Variants in ATP6V1H observed in about 807,000 individuals in gnomAD.
The protein encoded by ATP6V1H is V-type proton ATPase subunit H.
In ATP6V1H, 39 loss-of-function variants were observed where a neutral mutation model predicts 71.7. That is an observed-to-expected ratio of 0.54 (90% CI 0.42 to 0.71). ATP6V1H has a LOEUF of 0.71. Ranked by LOEUF, ATP6V1H falls within the 30% of genes least tolerant of loss-of-function variation. The pLI, the probability that ATP6V1H is intolerant of heterozygous loss-of-function variation, is 0.00. For synonymous variants in ATP6V1H, 192 were observed against 199.3 expected (o/e 0.96, Z 0.31); for missense variants, 509 against 594.9 (o/e 0.86, Z 1.50).
intron 13 of ATP6V1H, among the ~76,000 whole-genome samples, chr8:53,732,111 C>T (rs1009130846): frequency 6.6e-6 from 1 of 152,210 alleles, no homozygotes; most frequent in African/African-American, 2.4e-5. Flanking sequence ...TTGATTTTGA[C>T]TTGGCTTGAA....
intron 6 of ATP6V1H, among the ~76,000 whole-genome samples, chr8:53,813,145 T>A (rs1278609346): frequency 2.0e-5 from 3 of 152,246 alleles, no homozygotes; most frequent in Non-Finnish European, 4.4e-5. Context: ...TTACATGTTT[T>A]AAATAGCTTG....
At chr8:53,828,826 C>T (rs1810904689) in intron 4 of ATP6V1H, among the ~76,000 whole-genome samples, 1 of 152,152 alleles carries the variant, frequency 6.6e-6, no homozygotes, top group African/African-American at 2.4e-5. Flanking sequence ...TCCTGAGACA[C>T]TCAGCAGCTG....
chr8:53,828,206 A>G (rs1278674926), intron 4 of ATP6V1H, among the ~76,000 whole-genome samples: 1 of 152,166 alleles, frequency 6.6e-6, no homozygotes, highest in Non-Finnish European at 1.5e-5. Context: ...TCGATAATTG[A>G]GTTGTATGGG....
chr8:53,718,265 G>A (rs570077083), intron 13 of ATP6V1H, among the ~76,000 whole-genome samples: 1 of 152,290 alleles, frequency 6.6e-6, no homozygotes, highest in South Asian at 2.1e-4. Flanking sequence ...GCACAGGTGC[G>A]CTGTTCCAGC....
At chr8:53,734,873 A>G (rs946513622) in intron 13 of ATP6V1H, among the ~76,000 whole-genome samples, 1 of 152,170 alleles carries the variant, frequency 6.6e-6, no homozygotes, top group African/African-American at 2.4e-5. Context: ...GAAGGAGGAC[A>G]AATAATAGAA....
chr8:53,809,929 G>A (rs1377104349), intron 7 of ATP6V1H, among the ~76,000 whole-genome samples: 1 of 152,104 alleles, frequency 6.6e-6, no homozygotes, highest in East Asian at 1.9e-4. Flanking sequence ...CACTTCAGAA[G>A]GCTAATAGCC....
rs191607686 is a variant in ATP6V1H, at chr8:53,834,615, G to A, written c.114-1529C>T. Among the ~76,000 whole-genome samples, 354 of 152,062 alleles carry A rather than the reference G, an allele frequency of 2.3e-3. 2 individuals are homozygous for A. The highest frequency in any genetic ancestry group is 7.9e-3 in the African/African-American group (328 of 41,506). On this transcript the variant is annotated intron_variant, in intron 2 of 13. Transcript: ENST00000359530. ...TAATTTTTTTATTTTTAGTAGAAAC[G>A]GGGTTTCACCATATTGGCCGGGCTG...
chr8:53,752,868 A>G (rs1807851872), intron 12 of ATP6V1H, among the ~76,000 whole-genome samples: 1 of 152,232 alleles, frequency 6.6e-6, no homozygotes, highest in Non-Finnish European at 1.5e-5. Flanking sequence ...TTATGACTCA[A>G]TAAGTCTATT....
At chr8:53,830,441 C>T (rs1360206149) in intron 3 of ATP6V1H, among the ~76,000 whole-genome samples, 4 of 152,126 alleles carry the variant, frequency 2.6e-5, no homozygotes, top group Non-Finnish European at 5.9e-5. Context: ...TCATGTCTTC[C>T]ATGGATAGAC....
intron 9 of ATP6V1H, among the ~76,000 whole-genome samples, chr8:53,777,056 CA>C (rs1808914583): frequency 6.6e-6 from 1 of 151,978 alleles, no homozygotes; most frequent in Non-Finnish European, 1.5e-5. Context: ...ACAAAGTGAA[CA>C]AAGGCTCAGT....
chr8:53,769,793 T>A, intron 10 of ATP6V1H, 50 bp from the exon 11 acceptor site: 1 of 1,479,188 alleles, frequency 6.8e-7, no homozygotes, highest in South Asian at 1.3e-5. Flanking sequence ...CTGACAGTAC[T>A]CCAAAATTAA....
intron 13 of ATP6V1H, among the ~76,000 whole-genome samples, chr8:53,727,021 T>C (rs2130107962): frequency 6.6e-6 from 1 of 152,358 alleles, no homozygotes; most frequent in Middle Eastern, 3.4e-3. Flanking sequence ...AATAAACATG[T>C]ATTTGCTAAG....
intron 4 of ATP6V1H, among the ~76,000 whole-genome samples, chr8:53,826,966 C>T (rs1022605645): frequency 6.7e-6 from 1 of 148,634 alleles, no homozygotes; most frequent in Non-Finnish European, 1.5e-5. Context: ...AAAAAAAAAA[C>T]TATGATATTG....
intron 13 of ATP6V1H, chr8:53,739,469 A>C (rs938417998): frequency 6.6e-6 from 1 of 152,216 alleles, no homozygotes; most frequent in Non-Finnish European, 1.5e-5. Context: ...TAACACTCTT[A>C]TAACTTATTA....
chr8:53,730,381 G>A (rs1291390243), intron 13 of ATP6V1H, among the ~76,000 whole-genome samples: 1 of 152,174 alleles, frequency 6.6e-6, no homozygotes, highest in African/African-American at 2.4e-5. Flanking sequence ...TTACATTCCT[G>A]TTTTGTTCTG....
At chr8:53,780,782 T>C (rs865865948) in intron 9 of ATP6V1H, among the ~76,000 whole-genome samples, 3 of 152,104 alleles carry the variant, frequency 2.0e-5, no homozygotes, top group Non-Finnish European at 2.9e-5. Flanking sequence ...TGAGTGAGAA[T>C]ATGCAGTGTT....
intron 13 of ATP6V1H, among the ~76,000 whole-genome samples, chr8:53,717,072 C>T (rs901692655): frequency 1.3e-5 from 2 of 152,192 alleles, no homozygotes; most frequent in Non-Finnish European, 2.9e-5. Flanking sequence ...ATACCATCGT[C>T]TCTTGCCTAT....
intron 9 of ATP6V1H, among the ~76,000 whole-genome samples, chr8:53,776,840 A>T (rs1215405971): frequency 6.6e-6 from 1 of 152,214 alleles, no homozygotes; most frequent in Non-Finnish European, 1.5e-5. Flanking sequence ...GCAAAAAAAG[A>T]AAGTTCAGTG....
At chr8:53,776,840 A>G (rs1215405971) in intron 9 of ATP6V1H, among the ~76,000 whole-genome samples, 2 of 152,214 alleles carry the variant, frequency 1.3e-5, no homozygotes, top group South Asian at 4.1e-4. Context: ...GCAAAAAAAG[A>G]AAGTTCAGTG....
Sources: gnomAD v4.1 joint callset for allele counts (sites outside exome capture counted in the v4.1 genomes callset) on GRCh38, gnomAD v4.1.1 for gene constraint, MANE v1.5 for transcripts, NCBI Gene and HGNC (gene_info 2026-07-23, HGNC 2026-07-21) for gene names.